Variants in ADRA1B observed in about 807,000 individuals in gnomAD.
ADRA1B encodes the protein adrenoceptor alpha 1B.
Under a neutral mutation model 17.9 loss-of-function variants are expected in ADRA1B, and 17 were observed. The ratio of observed to expected loss-of-function variants is 0.95; its 90% CI spans 0.65 to 1.42. The LOEUF is 1.42. ADRA1B is among the 40% of genes most tolerant of loss of function. ADRA1B has a pLI of 0.00. For missense variants in ADRA1B, 681 were observed against 722.1 expected (o/e 0.94, Z 0.65); for synonymous variants, 366 against 327.6 (o/e 1.12, Z -1.27).
intron 1 of ADRA1B, chr5:159,948,194 A>T: frequency 2.0e-6 from 2 of 985,460 alleles, no homozygotes; most frequent in Non-Finnish European, 2.4e-6. Context: ...CTCTAAGTCC[A>T]GACAACAGGG....
chr5:159,884,802 A>G (rs1753905723), intron 1 of ADRA1B, among the ~76,000 whole-genome samples: 1 of 152,346 alleles, frequency 6.6e-6, no homozygotes, highest in African/African-American at 2.4e-5. Flanking sequence ...GCAAAACACT[A>G]TTTGAGATGG....
chr5:159,955,042 T>G, intron 1 of ADRA1B: 1 of 623,192 alleles, frequency 1.6e-6, no homozygotes. Context: ...ACCTGGAGAA[T>G]GGCATGCATT....
In ADRA1B at chr5:159,917,790, G is replaced by A. The variant is rs149628499; in HGVS notation, c.885G>A (p.Thr295=). 39 of 1,613,574 alleles carry A rather than the reference G, an allele frequency of 2.4e-5. No individual in the cohort carries two copies. The highest frequency in any genetic ancestry group is 4.4e-5 in the South Asian group (4 of 91,076). The change falls in exon 1 of 2, where the codon ACG becomes ACA. Residue 295 remains threonine, a synonymous_variant. Coordinates refer to ENST00000306675, the MANE Select transcript of ADRA1B (RefSeq NM_000679.4). ...KFSREKKAAK[T]LGIVVGMFIL... ...CCAGGGAAAAGAAAGCAGCTAAGAC[G>A]TTGGGCATTGTGGTCGGTATGTTCA...
chr5:159,976,366 T>A (rs886993204), downstream of ADRA1B, among the ~76,000 whole-genome samples: 18 of 151,972 alleles, frequency 1.2e-4, no homozygotes, highest in Non-Finnish European at 1.5e-5. Context: ...AGTAAAAGAA[T>A]TTTGTTGGCT....
chr5:159,901,027 G>A (rs1219678564), intron 1 of ADRA1B, among the ~76,000 whole-genome samples: 1 of 151,904 alleles, frequency 6.6e-6, no homozygotes. Flanking sequence ...GGAAAAACCT[G>A]CCTATGGATA....
At chr5:159,879,861 T>G (rs372174726) in intron 1 of ADRA1B, among the ~76,000 whole-genome samples, 5 of 152,058 alleles carry the variant, frequency 3.3e-5, no homozygotes, top group Non-Finnish European at 7.4e-5. Flanking sequence ...CTGGGCGTGG[T>G]GGCGGGCGCC....
At chr5:159,928,536 C>T (rs142414008) in intron 1 of ADRA1B, among the ~76,000 whole-genome samples, 129 of 152,182 alleles carry the variant, frequency 8.5e-4, no homozygotes, top group Middle Eastern at 3.4e-3. Flanking sequence ...TGGCCCATTC[C>T]TCCTAGAGCC....
intron 1 of ADRA1B, among the ~76,000 whole-genome samples, chr5:159,955,765 C>T (rs980628053): frequency 6.6e-6 from 1 of 152,120 alleles, no homozygotes; most frequent in Non-Finnish European, 1.5e-5. Flanking sequence ...GGAGGGGGCC[C>T]TGGTAGCTAA....
chr5:159,917,258 G>A lies in ADRA1B; in HGVS notation c.353G>A (p.Cys118Tyr). 1 of 1,614,108 alleles carries A rather than the reference G, an allele frequency of 6.2e-7. No homozygotes were observed. Among genetic ancestry groups the A allele is most frequent in the Non-Finnish European group, 8.5e-7 (1 of 1,180,042 alleles). ...TACTGGGTGCTGGGGCGGATCTTCT[G>A]TGACATCTGGGCAGCCGTGGATGTC... ...LGYWVLGRIF[C>Y]DIWAAVDVLC... The change falls in exon 1 of 2, where the codon TGT becomes TAT. Residue 118 changes from cysteine (C) to tyrosine (Y), a missense_variant. Cys to Tyr is a radical substitution (Grantham distance 194). This residue lies in a region of ADRA1B where 424 missense variants were observed against 480.2 expected (regional missense o/e 0.88). Transcript: ENST00000306675.
At chr5:159,973,518 TC>T (rs1257221805), downstream of ADRA1B, among the ~76,000 whole-genome samples, 1 of 152,142 alleles carries the variant, frequency 6.6e-6, no homozygotes, top group African/African-American at 2.4e-5. Flanking sequence ...AGGCCAGCAC[TC>T]CACTGATTGT....
intron 1 of ADRA1B, among the ~76,000 whole-genome samples, chr5:159,929,802 C>T (rs1382774032): frequency 1.3e-5 from 2 of 152,082 alleles, no homozygotes; most frequent in African/African-American, 4.8e-5. Context: ...TCACACCCAA[C>T]ACTCTCAGTA....
intron 1 of ADRA1B, among the ~76,000 whole-genome samples, chr5:159,934,148 T>C (rs1754885494): frequency 6.6e-6 from 1 of 152,190 alleles, no homozygotes; most frequent in Admixed American, 6.5e-5. Flanking sequence ...AGGGAGCCAA[T>C]GGGCCCTGGT....
chr5:159,987,590 A>G, the ADRA1B span, among the ~76,000 whole-genome samples: 2 of 152,200 alleles, frequency 1.3e-5, no homozygotes, highest in Admixed American at 1.3e-4. Flanking sequence ...GTGCAAAGAA[A>G]CGAGGCTGCT....
the ADRA1B span, among the ~76,000 whole-genome samples, chr5:159,980,897 T>G: frequency 6.6e-6 from 1 of 151,744 alleles, no homozygotes; most frequent in African/African-American, 2.4e-5. Context: ...ATGCTTCAAC[T>G]CTCCTGAGAT....
intron 1 of ADRA1B, among the ~76,000 whole-genome samples, chr5:159,945,384 A>G (rs1456850264): frequency 6.6e-6 from 1 of 152,188 alleles, no homozygotes; most frequent in Admixed American, 6.5e-5. Flanking sequence ...ATAAGGAAAG[A>G]AAAAAGAGAG....
At chr5:159,963,366 G>C (rs150080904) in intron 1 of ADRA1B, among the ~76,000 whole-genome samples, 1 of 150,602 alleles carries the variant, frequency 6.6e-6, no homozygotes, top group African/African-American at 2.4e-5. Flanking sequence ...TGGTGATTAA[G>C]AGCCTCTGTC....
At chr5:159,941,921 T>C (rs1037385332) in intron 1 of ADRA1B, among the ~76,000 whole-genome samples, 12 of 107,302 alleles carry the variant, frequency 1.1e-4, no homozygotes, top group African/African-American at 3.8e-4. Context: ...CTGGGTTTCT[T>C]TTTTTTTTTT....
chr5:159,885,749 G>T (rs1292803080), intron 1 of ADRA1B, among the ~76,000 whole-genome samples: 1 of 152,124 alleles, frequency 6.6e-6, no homozygotes, highest in South Asian at 2.1e-4. Context: ...TCTTTTTTAT[G>T]CCACTTTGAG....
At chr5:159,935,544 T>C (rs1213626716) in intron 1 of ADRA1B, among the ~76,000 whole-genome samples, 2 of 152,098 alleles carry the variant, frequency 1.3e-5, no homozygotes, top group African/African-American at 4.8e-5. Flanking sequence ...GACTTTCTTC[T>C]ATACAATTTT....
Sources: allele counts gnomAD v4.1 joint callset (sites outside exome capture counted in the v4.1 genomes callset), GRCh38; gene constraint gnomAD v4.1.1; regional missense constraint gnomAD v4.1.1; transcripts MANE v1.5; gene names NCBI Gene and HGNC (gene_info 2026-07-23, HGNC 2026-07-21).